The following PKHD1 variants were observed in gnomAD, a reference collection of about 807,000 sequenced individuals.
The protein encoded by PKHD1 is fibrocystin.
PKHD1 carries 291 observed loss-of-function variants against 412.0 expected under a neutral mutation model. That is an observed-to-expected ratio of 0.71 (90% CI 0.64 to 0.78). The LOEUF is 0.78. PKHD1 is among the 30% of genes least tolerant of loss of function. The pLI, the probability that PKHD1 is intolerant of heterozygous loss-of-function variation, is 0.00. For synonymous variants in PKHD1, 1,777 were observed against 1,821.5 expected, an observed-to-expected ratio of 0.98 and a Z score of 0.62; for missense variants, 4,825 against 4,950.7, an observed-to-expected ratio of 0.97 and a Z score of 0.76.
intron 46 of PKHD1, among the ~76,000 whole-genome samples, chr6:51,875,043 C>T (rs1297355056): frequency 4.8e-5 from 2 of 41,726 alleles, no homozygotes; most frequent in Non-Finnish European, 8.1e-5. Context: ...CCAAATATTG[C>T]GCTTTTCAGA....
intron 54 of PKHD1, 82 bp from the exon 55 acceptor site, chr6:51,772,871 C>T: frequency 3.7e-6 from 3 of 801,094 alleles, no homozygotes; most frequent in Non-Finnish European, 6.7e-6. Context: ...ATTCCAGAGG[C>T]TGTTGTGCAA....
At chr6:51,656,665 T>TTC (rs1354635899) in intron 61 of PKHD1, among the ~76,000 whole-genome samples, 77 of 147,558 alleles carry the variant, frequency 5.2e-4, no homozygotes, top group African/African-American at 1.9e-3. Context: ...TTTTCTTTCT[T>TTC]TTTTTTTTTT....
chr6:51,714,596 T>C (rs1781038012), intron 60 of PKHD1, among the ~76,000 whole-genome samples: 1 of 152,192 alleles, frequency 6.6e-6, no homozygotes, highest in South Asian at 2.1e-4. Flanking sequence ...TAAATTTTAA[T>C]AAAAATAAAA....
chr6:52,027,206 T>A (rs111338958), intron 31 of PKHD1, among the ~76,000 whole-genome samples: 32 of 152,242 alleles, frequency 2.1e-4, no homozygotes, highest in Non-Finnish European at 3.1e-4. Context: ...GTGTCACCCA[T>A]CAGACGTTTC....
intron 53 of PKHD1, among the ~76,000 whole-genome samples, chr6:51,779,302 G>T (rs910467479): frequency 3.3e-5 from 5 of 151,954 alleles, no homozygotes; most frequent in Admixed American, 6.6e-5. Flanking sequence ...GCCCCCCTCT[G>T]CCTTCATTCC....
intron 61 of PKHD1, 67 bp from the exon 62 acceptor site, chr6:51,649,287 C>T: frequency 8.1e-7 from 1 of 1,227,572 alleles, no homozygotes; most frequent in Non-Finnish European, 1.2e-6. Flanking sequence ...TAGCAATTTT[C>T]CACAATCCAT....
chr6:51,754,686 C>A, intron 56 of PKHD1, 98 bp downstream of exon 56: 1 of 978,880 alleles, frequency 1.0e-6, no homozygotes, highest in Non-Finnish European at 1.7e-6. Context: ...TTGTTCTTCC[C>A]CTCTGAATGG....
At chr6:51,676,050 G>C (rs1227064763) in intron 60 of PKHD1, among the ~76,000 whole-genome samples, 1 of 152,024 alleles carries the variant, frequency 6.6e-6, no homozygotes, top group Non-Finnish European at 1.5e-5. Flanking sequence ...GGTGGCAGAG[G>C]AGGAGGAAGG....
chr6:51,909,247 G>A (rs781510204), intron 40 of PKHD1, 36 bp downstream of exon 40: 29 of 1,522,594 alleles, frequency 1.9e-5, no homozygotes, highest in Non-Finnish European at 2.5e-5. Context: ...ATGGGAGAAA[G>A]AAACATGAGA....
rs1014279997 is a variant in PKHD1 at position 52,068,029 on chromosome 6, A to G, written c.778+1428T>C. On this transcript the variant is annotated intron_variant, in intron 11 of 66. Transcript: ENST00000371117. ...TGTACAGATACATCATAAATAAGAGAGAAAACTGGCAGAAATTGGTGATTG... is the reference window on the plus strand; with the variant it reads ...TGTACAGATACATCATAAATAAGAGGGAAAACTGGCAGAAATTGGTGATTG... Among the ~76,000 whole-genome samples, 79 of 152,258 alleles carry G rather than the reference A, an allele frequency of 5.2e-4. 1 individual carries two copies. Among genetic ancestry groups the G allele is most frequent in the African/African-American group, 1.9e-3 (78 of 41,526 alleles).
At chr6:51,795,670 T>C (rs1188281492) in intron 52 of PKHD1, among the ~76,000 whole-genome samples, 3 of 152,242 alleles carry the variant, frequency 2.0e-5, no homozygotes, top group African/African-American at 4.8e-5. Flanking sequence ...GAGTTTGTCA[T>C]ATATAGCTTT....
At chr6:52,004,221 T>C (rs1798781449) in intron 35 of PKHD1, among the ~76,000 whole-genome samples, 1 of 152,218 alleles carries the variant, frequency 6.6e-6, no homozygotes, top group African/African-American at 2.4e-5. Context: ...TGGATAGCTT[T>C]GATTGTTTTG....
intron 35 of PKHD1, among the ~76,000 whole-genome samples, chr6:52,002,443 C>G (rs955208905): frequency 6.6e-6 from 1 of 152,204 alleles, no homozygotes; most frequent in African/African-American, 2.4e-5. Flanking sequence ...GCTTCTCCTC[C>G]CCCTGAAGTA....
At chr6:51,639,941 G>C (rs545979154) in intron 63 of PKHD1, among the ~76,000 whole-genome samples, 2 of 152,182 alleles carry the variant, frequency 1.3e-5, no homozygotes, top group East Asian at 3.9e-4. Context: ...CATCAATTTT[G>C]CAGAGCTAAC....
intron 50 of PKHD1, among the ~76,000 whole-genome samples, chr6:51,839,053 G>A (rs1456352083): frequency 2.0e-5 from 3 of 152,146 alleles, no homozygotes; most frequent in Non-Finnish European, 4.4e-5. Context: ...TCTTTTTACA[G>A]CTGTATCTAA....
intron 60 of PKHD1, among the ~76,000 whole-genome samples, chr6:51,676,975 GAA>G (rs1312989756): frequency 6.6e-6 from 1 of 152,074 alleles, no homozygotes; most frequent in African/African-American, 2.4e-5. Context: ...TAGGTGATAG[GAA>G]ACACACCCTT....
chr6:51,664,638 T>C (rs749204809), intron 60 of PKHD1, among the ~76,000 whole-genome samples: 7 of 152,220 alleles, frequency 4.6e-5, no homozygotes, highest in African/African-American at 7.2e-5. Context: ...AGTTGCCATA[T>C]TGTTATTATT....
At chr6:51,962,928 T>G (rs1161680019) in intron 35 of PKHD1, among the ~76,000 whole-genome samples, 1 of 152,116 alleles carries the variant, frequency 6.6e-6, no homozygotes, top group Non-Finnish European at 1.5e-5. Context: ...AGCAGAGACT[T>G]GGTTTGGGTC....
At chr6:51,855,226 G>T (rs1457552951) in intron 49 of PKHD1, among the ~76,000 whole-genome samples, 1 of 152,208 alleles carries the variant, frequency 6.6e-6, no homozygotes, top group Non-Finnish European at 1.5e-5. Flanking sequence ...TCTCTCCGTG[G>T]GTCACGCCAG....
Sources: gnomAD v4.1 joint callset for allele counts (sites outside exome capture counted in the v4.1 genomes callset) on GRCh38, gnomAD v4.1.1 for gene constraint, MANE v1.5 for transcripts, NCBI Gene and HGNC (gene_info 2026-07-23, HGNC 2026-07-21) for gene names.